The following GUCY1A2 variants were observed in gnomAD, a reference collection of about 807,000 sequenced individuals.
GUCY1A2 encodes guanylate cyclase soluble subunit alpha-2.
A neutral mutation model predicts 63.5 loss-of-function variants in GUCY1A2; 27 were observed. That is an observed-to-expected ratio of 0.43 (90% confidence interval 0.31 to 0.59). The LOEUF (loss-of-function observed/expected upper bound fraction) is 0.59. Ranked by LOEUF, GUCY1A2 falls within the 20% of genes least tolerant of loss-of-function variation. The pLI, the probability that GUCY1A2 is intolerant of heterozygous loss-of-function variation, is 0.11. For missense variants in GUCY1A2, 768 were observed against 913.3 expected, an observed-to-expected ratio of 0.84 and a Z score of 2.05; for synonymous variants, 364 against 343.5, an observed-to-expected ratio of 1.06 and a Z score of -0.66.
intron 7 of GUCY1A2, among the ~76,000 whole-genome samples, chr11:106,700,148 C>G (rs1862794717): frequency 6.6e-6 from 1 of 152,070 alleles, no homozygotes; most frequent in African/African-American, 2.4e-5. Context: ...CTCATTGATT[C>G]TTACAAATTT....
intron 3 of GUCY1A2, among the ~76,000 whole-genome samples, chr11:106,957,416 G>A (rs1165425505): frequency 3.3e-5 from 5 of 152,182 alleles, no homozygotes; most frequent in Non-Finnish European, 1.5e-5. Flanking sequence ...GGGACGCTAG[G>A]CCCTGGTGGC....
At chr11:106,938,688 T>TGG (rs1479510616) in intron 4 of GUCY1A2, among the ~76,000 whole-genome samples, 1 of 152,200 alleles carries the variant, frequency 6.6e-6, no homozygotes, top group Non-Finnish European at 1.5e-5. Flanking sequence ...TTCTTTACAT[T>TGG]TTATTATCTA....
chr11:106,902,968 G>A (rs1165363194), intron 4 of GUCY1A2, among the ~76,000 whole-genome samples: 1 of 152,062 alleles, frequency 6.6e-6, no homozygotes, highest in Non-Finnish European at 1.5e-5. Context: ...ACCAAGGGAC[G>A]ACAGTACATG....
At chr11:106,761,081 C>A (rs10890582) in intron 6 of GUCY1A2, among the ~76,000 whole-genome samples, 7,033 of 152,186 alleles carry the variant, frequency 0.046, 236 homozygotes, top group African/African-American at 0.091. Context: ...TGAACAATTG[C>A]CAGAAAAAGA....
intron 6 of GUCY1A2, among the ~76,000 whole-genome samples, chr11:106,716,216 A>G (rs1015264278): frequency 3.9e-5 from 6 of 152,184 alleles, no homozygotes; most frequent in Non-Finnish European, 8.8e-5. Context: ...GGCTGAGGGA[A>G]TATGCCCCAC....
At chr11:106,736,214 A>G (rs1469070779) in intron 6 of GUCY1A2, among the ~76,000 whole-genome samples, 1 of 152,048 alleles carries the variant, frequency 6.6e-6, no homozygotes, top group Non-Finnish European at 1.5e-5. Context: ...TCCCACTCCA[A>G]TGTCCTGCAG....
At chr11:106,699,820 C>T (rs186157026) in intron 7 of GUCY1A2, among the ~76,000 whole-genome samples, 3,854 of 150,242 alleles carry the variant, frequency 0.026, 90 homozygotes, top group Non-Finnish European at 0.035. Context: ...CTCGGTCTGT[C>T]GCCCAGGCTG....
rs192196441 is a variant in GUCY1A2, at chr11:106,948,423, G to T, written c.488-8245C>A. ...AGCATAAATTATTACATTCATAAAA[G>T]TAAACAAAATATGATCATATCAGTA... is the stretch of plus-strand genomic sequence containing the variant. On this transcript the variant is annotated intron_variant, in intron 3 of 7. Transcript: ENST00000526355. Among the ~76,000 whole-genome samples, 4 of 152,116 alleles carry T rather than the reference G, an allele frequency of 2.6e-5. No homozygotes were observed. In the East Asian group the frequency reaches 7.7e-4, roughly 29 times the overall value.
At chr11:106,853,766 T>G (rs1198509556) in intron 4 of GUCY1A2, among the ~76,000 whole-genome samples, 1 of 152,238 alleles carries the variant, frequency 6.6e-6, no homozygotes, top group Non-Finnish European at 1.5e-5. Flanking sequence ...TAATAGTCAC[T>G]TGTTCCAATT....
chr11:106,708,610 C>T lies in GUCY1A2; in HGVS notation c.1893G>A (p.Met631Ile). 6.2e-7 allele frequency: 1 copy of T among 1,612,522 alleles called. No individual in the cohort carries two copies. ...SVLAGVVGVR[M>I]PRYCLFGNNV... Reference sequence around the variant, plus strand: ...TATTTCCAAACAGGCAATAACGTGGCATTCGCACCCCAACAACTCCAGCCA... The same window carrying T: ...TATTTCCAAACAGGCAATAACGTGGTATTCGCACCCCAACAACTCCAGCCA... The change falls in exon 7 of 8, where the codon ATG (methionine) becomes ATA (isoleucine). Residue 631 changes from methionine (M) to isoleucine (I), a missense_variant. Coordinates refer to ENST00000526355, the MANE Select transcript of GUCY1A2 (RefSeq NM_000855.3).
intron 4 of GUCY1A2, chr11:106,826,735 G>A: frequency 1.2e-6 from 2 of 1,610,650 alleles, no homozygotes; most frequent in Non-Finnish European, 1.7e-6. Flanking sequence ...CATGCACTTT[G>A]CTGCATACCA....
At chr11:107,010,591 G>A (rs1225947041) in intron 1 of GUCY1A2, among the ~76,000 whole-genome samples, 1 of 152,108 alleles carries the variant, frequency 6.6e-6, no homozygotes, top group Non-Finnish European at 1.5e-5. Flanking sequence ...ACTTGAATAT[G>A]TCTATCACAG....
At chr11:106,737,435 C>T (rs1013395498) in intron 6 of GUCY1A2, among the ~76,000 whole-genome samples, 4 of 152,084 alleles carry the variant, frequency 2.6e-5, no homozygotes, top group Non-Finnish European at 4.4e-5. Flanking sequence ...TGCTGGGGTA[C>T]ATGTGCAAAA....
chr11:106,887,768 T>G (rs773104489), intron 4 of GUCY1A2, among the ~76,000 whole-genome samples: 1 of 152,160 alleles, frequency 6.6e-6, no homozygotes, highest in Admixed American at 6.5e-5. Context: ...TTGACAGAGA[T>G]GAAGATGCTT....
chr11:106,874,201 G>A (rs1339342552), intron 4 of GUCY1A2, among the ~76,000 whole-genome samples: 3 of 152,180 alleles, frequency 2.0e-5, no homozygotes, highest in African/African-American at 7.2e-5. Flanking sequence ...ATTATATAGT[G>A]CACTCTCCCA....
intron 6 of GUCY1A2, among the ~76,000 whole-genome samples, chr11:106,761,848 T>G (rs116892513): frequency 2.0e-5 from 3 of 152,138 alleles, no homozygotes; most frequent in African/African-American, 7.2e-5. Flanking sequence ...TTTCACAAAC[T>G]ACAGTTAAAA....
At chr11:106,906,983 T>A (rs530950584) in intron 4 of GUCY1A2, among the ~76,000 whole-genome samples, 1 of 151,950 alleles carries the variant, frequency 6.6e-6, no homozygotes, top group Non-Finnish European at 1.5e-5. Context: ...ATACTTAATA[T>A]AGATGACAGG....
At chr11:106,986,273 T>C (rs1269271483) in intron 1 of GUCY1A2, 142 bp from the exon 2 acceptor site, 4 of 502,922 alleles carry the variant, frequency 8.0e-6, no homozygotes, top group Non-Finnish European at 1.4e-5. Flanking sequence ...TTTTGCATCA[T>C]GCCATGTATT....
At position 106,713,804 on chromosome 11, in the gene GUCY1A2, C is replaced by G. The variant is rs190309422; in HGVS notation, c.1837-5138G>C. ...TACAGGCGTGAGCCACCGCGCCCAG[C>G]CCAACATTAGTATATTTCTTTGGGT... is the stretch of plus-strand genomic sequence containing the variant. On this transcript the variant is annotated intron_variant, in intron 6 of 7. Transcript: ENST00000526355. Among the ~76,000 whole-genome samples, 7 of 152,018 alleles carry G rather than the reference C, an allele frequency of 4.6e-5. No homozygotes were observed. The East Asian group carries it at 1.4e-3, about 30-fold the overall frequency.
Sources: allele counts gnomAD v4.1 joint callset (sites outside exome capture counted in the v4.1 genomes callset), GRCh38; gene constraint gnomAD v4.1.1; transcripts MANE v1.5; gene names NCBI Gene and HGNC (gene_info 2026-07-23, HGNC 2026-07-21).